The following CYRIA variants were observed in gnomAD, a reference collection of about 807,000 sequenced individuals.
CYRIA encodes CYFIP related Rac1 interactor A.
A neutral mutation model predicts 43.9 loss-of-function variants in CYRIA; 15 were observed. The observed-to-expected ratio is 0.34, with a 90% confidence interval of 0.23 to 0.53. The LOEUF is 0.53. CYRIA is among the 20% of genes least tolerant of loss of function. CYRIA has a pLI of 0.94. For synonymous variants in CYRIA, 117 were observed against 136.0 expected (o/e 0.86, Z 0.97); for missense variants, 236 against 394.2 (o/e 0.60, Z 3.40).
rs115663374 is a variant in CYRIA, at chr2:16,579,032, T to G, written c.70+9018A>C. 2.7e-3 allele frequency among the ~76,000 whole-genome samples: 407 copies of G among 152,160 alleles called. 2 individuals carry two copies. Among genetic ancestry groups the G allele is most frequent in the African/African-American group, 9.4e-3 (390 of 41,530 alleles). ...TTGACAGCAGCCAGAGAAAAGCATA[T>G]TACATCTAGGGGAGCAATGATAAAA... On this transcript the variant is annotated intron_variant, in intron 3 of 11. Coordinates refer to ENST00000381323, the MANE Select transcript of CYRIA (RefSeq NM_030797.4).
intron 1 of CYRIA, among the ~76,000 whole-genome samples, chr2:16,645,757 G>C (rs574190147): frequency 1.3e-5 from 2 of 152,188 alleles, no homozygotes; most frequent in African/African-American, 4.8e-5. Flanking sequence ...GAAGTAGGAG[G>C]ATGCTACAGT....
At chr2:16,609,382 A>C (rs1179012458) in intron 2 of CYRIA, among the ~76,000 whole-genome samples, 1 of 152,098 alleles carries the variant, frequency 6.6e-6, no homozygotes, top group African/African-American at 2.4e-5. Context: ...AAATATCAAC[A>C]TCTCAATTGT....
chr2:16,557,328 T>G (rs960468572), intron 10 of CYRIA, among the ~76,000 whole-genome samples: 1 of 152,014 alleles, frequency 6.6e-6, no homozygotes, highest in African/African-American at 2.4e-5. Context: ...AGTTTCTCCC[T>G]CCCCCTAGGT....
intron 1 of CYRIA, among the ~76,000 whole-genome samples, chr2:16,626,003 C>T (rs574847204): frequency 6.6e-6 from 1 of 152,224 alleles, no homozygotes; most frequent in African/African-American, 2.4e-5. Context: ...CATTCTAAGA[C>T]ACCTCCTGCT....
chr2:16,658,739 C>T lies in CYRIA; in HGVS notation c.-167+7041G>A, dbSNP rs1644957393. 2.6e-5 allele frequency among the ~76,000 whole-genome samples: 4 copies of T among 151,984 alleles called. No individual in the cohort carries two copies. In the South Asian group the frequency reaches 8.3e-4, roughly 32 times the overall value. ...TTCCTTCCACCCTTCCTTTTCTCTT[C>T]CTTTTCTTTTCTCTTCATTCCATCC... On this transcript the variant is annotated intron_variant, in intron 1 of 11. Coordinates refer to ENST00000381323, the MANE Select transcript of CYRIA (RefSeq NM_030797.4).
chr2:16,645,909 T>C (rs1370689154), intron 1 of CYRIA, among the ~76,000 whole-genome samples: 2 of 152,210 alleles, frequency 1.3e-5, no homozygotes, highest in Non-Finnish European at 2.9e-5. Flanking sequence ...TGATTTATTA[T>C]CTAATTGGGA....
At chr2:16,561,130 A>T in intron 8 of CYRIA, 31 bp downstream of exon 8, 2 of 1,611,352 alleles carry the variant, frequency 1.2e-6, no homozygotes, top group Non-Finnish European at 1.7e-6. Context: ...GAATTAAGGA[A>T]AAAAGCACCT....
intron 2 of CYRIA, among the ~76,000 whole-genome samples, chr2:16,600,640 A>T (rs960673234): frequency 7.9e-5 from 12 of 152,348 alleles, no homozygotes; most frequent in African/African-American, 2.6e-4. Context: ...ATGTGAAAAT[A>T]ATAGTATGTC....
intron 3 of CYRIA, among the ~76,000 whole-genome samples, chr2:16,581,233 A>T (rs757858945): frequency 2.6e-5 from 4 of 152,228 alleles, no homozygotes; most frequent in Non-Finnish European, 4.4e-5. Flanking sequence ...ACAATAAAGA[A>T]TTCCTACAAT....
intron 1 of CYRIA, among the ~76,000 whole-genome samples, chr2:16,657,774 C>G (rs988970163): frequency 6.6e-6 from 1 of 152,174 alleles, no homozygotes; most frequent in Non-Finnish European, 1.5e-5. Context: ...AGTGCATAAG[C>G]CATGTATTAC....
In CYRIA at chr2:16,598,697, G is replaced by C. The variant is rs1322383177; in HGVS notation, c.-10-10568C>G. ...TTTGAATGTCCTCCCGTAGCTCAGA[G>C]TAATTTGATTGTCTGAAGACTTCTT... On this transcript the variant is annotated intron_variant, in intron 2 of 11. Transcript: ENST00000381323. Among the ~76,000 whole-genome samples the C allele has an allele frequency of 5.1e-5, 5 of 97,170 alleles. 1 individual carries two copies. Among genetic ancestry groups the C allele is most frequent in the Non-Finnish European group, 7.6e-5 (4 of 52,970 alleles). The allele number at this position is 97,170 out of a possible 152,430, so 63.7% of individuals were successfully genotyped here. A position where few individuals can be genotyped will look rare whatever the true frequency, so the allele number is the denominator to read the frequency against.
chr2:16,632,897 C>T (rs1572191469), intron 1 of CYRIA, among the ~76,000 whole-genome samples: 3 of 152,116 alleles, frequency 2.0e-5, no homozygotes, highest in Middle Eastern at 3.2e-3. Flanking sequence ...GCATTGCATT[C>T]GTCCCCAAGA....
At chr2:16,653,549 C>T (rs951992941) in intron 1 of CYRIA, among the ~76,000 whole-genome samples, 2 of 152,148 alleles carry the variant, frequency 1.3e-5, no homozygotes, top group African/African-American at 4.8e-5. Flanking sequence ...ATACATTTTA[C>T]TTGTTTATAT....
rs1363322588 is a variant in CYRIA, at chr2:16,561,275, T to C, written c.516A>G (p.Leu172=). The change falls in exon 8 of 12, where the codon CTA becomes CTG. Residue 172 remains leucine, a splice_region_variant and synonymous_variant. Coordinates refer to ENST00000381323, the MANE Select transcript of CYRIA (RefSeq NM_030797.4). ...ISRNRINNMH[L]DIENEVNNEM... ...CATTATTGACTTCATTCTCAATGTC[T>C]AGCTGATGAAAATAAGAAGAGAAGA... 7 of 1,603,928 alleles carry C rather than the reference T, an allele frequency of 4.4e-6. No individual in the cohort carries two copies. Among genetic ancestry groups the C allele is most frequent in the Non-Finnish European group, 6.0e-6 (7 of 1,171,058 alleles).
Position 16,563,932 on chromosome 2 carries a change from C to G in CYRIA, c.298+57G>C. On this transcript the variant is annotated intron_variant, in intron 5 of 11. Coordinates refer to ENST00000381323, the MANE Select transcript of CYRIA (RefSeq NM_030797.4). ...TGCCACGCTGTTCCCACTACCTACT[C>G]AAACATCAAAACAGAACTCCGTATG... The G allele has an allele frequency of 3.0e-6, 4 of 1,333,836 alleles. No homozygotes were observed. The Admixed American group carries it at 7.5e-5, about 25-fold the overall frequency. The allele number at this position is 1,333,836 out of a possible 1,614,324, so 82.6% of individuals were successfully genotyped here. A position where few individuals can be genotyped will look rare whatever the true frequency, so the allele number is the denominator to read the frequency against.
At chr2:16,628,564 T>C (rs1669232852) in intron 1 of CYRIA, among the ~76,000 whole-genome samples, 1 of 152,204 alleles carries the variant, frequency 6.6e-6, no homozygotes, top group African/African-American at 2.4e-5. Context: ...ATATACACAG[T>C]CATACAGTTG....
intron 2 of CYRIA, among the ~76,000 whole-genome samples, chr2:16,622,647 GA>G (rs1669034804): frequency 6.6e-6 from 1 of 152,156 alleles, no homozygotes; most frequent in Admixed American, 6.5e-5. Context: ...TACAGGTGGG[GA>G]AACAGAAGCT....
At chr2:16,576,014 G>T (rs745950851) in intron 3 of CYRIA, among the ~76,000 whole-genome samples, 5 of 152,104 alleles carry the variant, frequency 3.3e-5, no homozygotes, top group Admixed American at 1.3e-4. Context: ...GGCCTCCCTA[G>T]CCAAATGGAA....
At chr2:16,592,541 CT>C (rs1371106749) in intron 2 of CYRIA, among the ~76,000 whole-genome samples, 5 of 152,116 alleles carry the variant, frequency 3.3e-5, no homozygotes, top group African/African-American at 9.7e-5. Flanking sequence ...GTGAAGGTGT[CT>C]GGGCATCTGG....
Sources: gnomAD v4.1 joint callset for allele counts (sites outside exome capture counted in the v4.1 genomes callset) on GRCh38, gnomAD v4.1.1 for gene constraint, MANE v1.5 for transcripts, NCBI Gene and HGNC (gene_info 2026-07-23, HGNC 2026-07-21) for gene names.